The following AHRR variants were observed in gnomAD, a reference collection of about 807,000 sequenced individuals.
The protein encoded by AHRR is ahR repressor.
In AHRR, 28 loss-of-function variants were observed where a neutral mutation model predicts 44.0. The observed-to-expected ratio is 0.64, with a 90% CI of 0.47 to 0.87. AHRR has a LOEUF of 0.87. Among genes scored for constraint, AHRR ranks in the 40% least tolerant of loss-of-function variants. The probability of loss-of-function intolerance (pLI) is 0.00; values close to 1 mark genes in which losing one functional copy is unlikely to be tolerated. For missense variants in AHRR, 990 were observed against 953.9 expected (o/e 1.04, Z -0.50); for synonymous variants, 434 against 407.0 (o/e 1.07, Z -0.80).
intron 2 of AHRR, among the ~76,000 whole-genome samples, chr5:352,033 T>G (rs1194208538): frequency 6.6e-6 from 1 of 152,260 alleles, no homozygotes; most frequent in Non-Finnish European, 1.5e-5. Context: ...GTGGCCTCGT[T>G]CCTGTGGTCC....
intron 3 of AHRR, among the ~76,000 whole-genome samples, chr5:363,122 A>C (rs996637681): frequency 6.6e-6 from 1 of 152,218 alleles, no homozygotes; most frequent in African/African-American, 2.4e-5. Context: ...GTGCTGTGGC[A>C]GGTGGGAGGC....
At chr5:344,088 G>A in intron 2 of AHRR, 124 bp downstream of exon 2, 1 of 1,092,048 alleles carries the variant, frequency 9.2e-7, no homozygotes, top group Non-Finnish European at 1.3e-6. Flanking sequence ...AGCCGGGCGG[G>A]CCGGGGCTGA....
intron 2 of AHRR, among the ~76,000 whole-genome samples, chr5:351,520 T>G (rs925918433): frequency 1.3e-5 from 2 of 152,190 alleles, no homozygotes; most frequent in Admixed American, 1.3e-4. Flanking sequence ...ACGTCTTGAT[T>G]CCATTTCTAC....
intron 3 of AHRR, among the ~76,000 whole-genome samples, chr5:356,498 G>A (rs1218280223): frequency 2.0e-5 from 3 of 149,152 alleles, no homozygotes; most frequent in Non-Finnish European, 3.0e-5. Flanking sequence ...CTCAGTCACG[G>A]AGTCCACCCG....
At chr5:340,685 TA>T (rs1396265973) in intron 1 of AHRR, among the ~76,000 whole-genome samples, 334 of 31,140 alleles carry the variant, frequency 0.011, 4 homozygotes, top group East Asian at 0.021. Flanking sequence ...TATATATATA[TA>T]TATTTTTTTT....
At chr5:375,953 C>T (rs1026930333) in intron 3 of AHRR, among the ~76,000 whole-genome samples, 7 of 137,142 alleles carry the variant, frequency 5.1e-5, no homozygotes, top group Admixed American at 2.1e-4. Flanking sequence ...GGGGGCTGTG[C>T]GCAGTCACTG....
intron 5 of AHRR, chr5:418,611 A>G (rs1049903803): frequency 1.3e-5 from 2 of 152,266 alleles, no homozygotes; most frequent in Admixed American, 6.5e-5. Context: ...CAGGGAGGGC[A>G]CTTGGGGTGG....
At chr5:393,920 G>A (rs570646783) in intron 4 of AHRR, among the ~76,000 whole-genome samples, 2 of 152,186 alleles carry the variant, frequency 1.3e-5, no homozygotes, top group Non-Finnish European at 2.9e-5. Flanking sequence ...GAGCCGCTGC[G>A]CCCGGCCTAT....
intron 5 of AHRR, chr5:421,114 T>G (rs906839241): frequency 1.8e-5 from 10 of 551,674 alleles, no homozygotes; most frequent in Non-Finnish European, 2.9e-5. Flanking sequence ...GTGCAGCGGC[T>G]GGAGCGTTCG....
chr5:400,928 G>A (rs886790902), intron 4 of AHRR, among the ~76,000 whole-genome samples: 1 of 152,222 alleles, frequency 6.6e-6, no homozygotes, highest in Non-Finnish European at 1.5e-5. Context: ...TGTGGCAGGA[G>A]CCGGCGGGCA....
At chr5:376,422 C>T (rs1332806730) in intron 3 of AHRR, among the ~76,000 whole-genome samples, 188 bp from the exon 4 acceptor site, 4 of 15,850 alleles carry the variant, frequency 2.5e-4, no homozygotes, top group East Asian at 1.4e-3. Flanking sequence ...CTCAGCTCCT[C>T]CTGCCCCACC....
intron 2 of AHRR, among the ~76,000 whole-genome samples, chr5:351,163 A>C (rs897721170): frequency 1.3e-5 from 2 of 152,252 alleles, no homozygotes; most frequent in Admixed American, 1.3e-4. Flanking sequence ...TGGGAAAGTA[A>C]AATAGCGCAG....
chr5:418,758 G>C (rs1735941514), intron 5 of AHRR: 1 of 139,468 alleles, frequency 7.2e-6, no homozygotes, highest in South Asian at 2.1e-4. Flanking sequence ...TGAAGAACTG[G>C]AGAGAGAGAG....
At chr5:348,265 C>T (rs1311501019) in intron 2 of AHRR, among the ~76,000 whole-genome samples, 6 of 152,084 alleles carry the variant, frequency 3.9e-5, no homozygotes, top group African/African-American at 9.7e-5. Flanking sequence ...TGGGATTCCC[C>T]GGAGTCCTCA....
intron 5 of AHRR, among the ~76,000 whole-genome samples, chr5:414,917 G>A (rs1165110730): frequency 6.6e-6 from 1 of 152,234 alleles, no homozygotes; most frequent in Non-Finnish European, 1.5e-5. Context: ...GGACTAAAGG[G>A]ACTCTGAGGA....
chr5:322,298 T>C (rs1299561842), intron 1 of AHRR, among the ~76,000 whole-genome samples: 3 of 152,140 alleles, frequency 2.0e-5, no homozygotes, highest in Admixed American at 2.0e-4. Context: ...CCGGATGCCC[T>C]GAGAGAGCGA....
At chr5:345,070 A>ATGTGTG (rs150724632) in intron 2 of AHRR, among the ~76,000 whole-genome samples, 3 of 10,138 alleles carry the variant, frequency 3.0e-4, no homozygotes, top group African/African-American at 1.3e-3. Context: ...GTGTGTGGGG[A>ATGTGTG]TGTGTGTGTG....
Position 353,762 on chromosome 5 carries a change from C to T in AHRR, c.95C>T (p.Pro32Leu), listed in dbSNP as rs374899705. 7 of 1,612,702 alleles carry T rather than the reference C, an allele frequency of 4.3e-6. No homozygotes were observed. Among genetic ancestry groups the T allele is most frequent in the Non-Finnish European group, 5.9e-6 (7 of 1,179,816 alleles). The change falls in exon 3 of 11, where the codon CCC becomes CTC. Residue 32 changes from proline to leucine, a missense_variant. Physicochemically the swap from Pro to Leu is moderately conservative, Grantham distance 98 (BLOSUM62 -3). Transcript: ENST00000684583. The part of the protein sequence containing the change: ...RPAVGAEKSN[P>L]SKRHRDRLNA... The stretch of plus-strand genomic sequence containing the variant: ...GCCGTGGGGGCAGAGAAGTCCAACC[C>T]CTCCAAGCGACACCGGGACCGCCTC...
At chr5:359,578 A>T (rs1032082894) in intron 3 of AHRR, among the ~76,000 whole-genome samples, 2 of 152,196 alleles carry the variant, frequency 1.3e-5, no homozygotes, top group African/African-American at 4.8e-5. Flanking sequence ...CTCACTCTGA[A>T]AGCCTGGGGA....
Sources: allele counts gnomAD v4.1 joint callset (sites outside exome capture counted in the v4.1 genomes callset), GRCh38; gene constraint gnomAD v4.1.1; transcripts MANE v1.5; gene names NCBI Gene and HGNC (gene_info 2026-07-23, HGNC 2026-07-21).